Variants in DPP10 observed in about 807,000 individuals in gnomAD.
DPP10 encodes the protein dipeptidyl peptidase like 10.
A neutral mutation model predicts 120.9 loss-of-function variants in DPP10; 33 were observed. The observed-to-expected ratio is 0.27, with a 90% confidence interval of 0.21 to 0.37. The LOEUF (loss-of-function observed/expected upper bound fraction) is 0.37. Among genes scored for constraint, DPP10 ranks in the 10% least tolerant of loss-of-function variants. The pLI is 1.00. For synonymous variants in DPP10, 337 were observed against 326.1 expected (o/e 1.03, Z -0.36); for missense variants, 816 against 942.8 (o/e 0.87, Z 1.76).
intron 1 of DPP10, among the ~76,000 whole-genome samples, chr2:114,731,223 G>T (rs1676881136): frequency 1.3e-5 from 2 of 149,904 alleles, no homozygotes. Flanking sequence ...TCTCACTTGA[G>T]GCTTTTTTTT....
chr2:115,123,828 C>T (rs1385713736), intron 1 of DPP10, among the ~76,000 whole-genome samples: 2 of 152,008 alleles, frequency 1.3e-5, no homozygotes, highest in South Asian at 2.1e-4. Context: ...TGTTAATAGA[C>T]GTTTGCCCCA....
chr2:115,227,112 A>G (rs1364441986), intron 1 of DPP10, among the ~76,000 whole-genome samples: 1 of 152,190 alleles, frequency 6.6e-6, no homozygotes, highest in Non-Finnish European at 1.5e-5. Context: ...TCAACCTAAC[A>G]TCAAGATATT....
At chr2:115,254,694 G>C (rs1289561087) in intron 1 of DPP10, among the ~76,000 whole-genome samples, 1 of 152,152 alleles carries the variant, frequency 6.6e-6, no homozygotes, top group Non-Finnish European at 1.5e-5. Context: ...ACCCATTCCA[G>C]ATGGGGGAAA....
In DPP10 at chr2:115,410,727, C is replaced by T. The variant is rs188435538; in HGVS notation, c.271+66815C>T. On this transcript the variant is annotated intron_variant, in intron 3 of 25. Coordinates refer to ENST00000410059, the MANE Select transcript of DPP10 (RefSeq NM_020868.6). ...CACATTGGGTGCAGTTTACACTGCT[C>T]AAGTGATGTGTGCACCAAAATCTCC... is the stretch of plus-strand genomic sequence containing the variant. Among the ~76,000 whole-genome samples the T allele has an allele frequency of 5.1e-4, 78 of 152,292 alleles. No homozygotes were observed. In the Middle Eastern group the frequency reaches 0.017, roughly 33 times the overall value.
At chr2:114,474,304 G>A (rs1049057622) in intron 1 of DPP10, among the ~76,000 whole-genome samples, 5 of 152,130 alleles carry the variant, frequency 3.3e-5, no homozygotes, top group East Asian at 1.9e-4. Context: ...TATACTAATG[G>A]TGTAACAACC....
At chr2:115,402,554 T>A (rs2068147076) in intron 3 of DPP10, among the ~76,000 whole-genome samples, 1 of 151,312 alleles carries the variant, frequency 6.6e-6, no homozygotes, top group Non-Finnish European at 1.5e-5. Context: ...AATGGATAAA[T>A]TCCTAGACAC....
chr2:115,678,485 T>C (rs2090433732), intron 5 of DPP10, among the ~76,000 whole-genome samples: 1 of 152,186 alleles, frequency 6.6e-6, no homozygotes, highest in African/African-American at 2.4e-5. Context: ...AAGATAAGAA[T>C]TGAGGTTTGG....
At chr2:115,057,898 T>A (rs1706059748) in intron 1 of DPP10, among the ~76,000 whole-genome samples, 1 of 152,210 alleles carries the variant, frequency 6.6e-6, no homozygotes, top group South Asian at 2.1e-4. Flanking sequence ...AGTTTGAGTT[T>A]GTGTGAGAAG....
At chr2:115,129,921 G>A (rs1325426832) in intron 1 of DPP10, among the ~76,000 whole-genome samples, 1 of 152,130 alleles carries the variant, frequency 6.6e-6, no homozygotes, top group African/African-American at 2.4e-5. Context: ...TTCACTGTGG[G>A]CTGAGGCACG....
chr2:115,322,910 T>G (rs555131478), intron 2 of DPP10, among the ~76,000 whole-genome samples: 3 of 152,262 alleles, frequency 2.0e-5, no homozygotes, highest in Admixed American at 6.5e-5. Context: ...CTGAGCCTTC[T>G]GCAAATCATA....
At chr2:114,449,828 G>T (rs1001769100) in intron 1 of DPP10, among the ~76,000 whole-genome samples, 1 of 152,062 alleles carries the variant, frequency 6.6e-6, no homozygotes, top group Non-Finnish European at 1.5e-5. Flanking sequence ...TAAAAGCTGA[G>T]AATTTTATTT....
At chr2:115,736,880 T>G (rs1248982015) in intron 8 of DPP10, among the ~76,000 whole-genome samples, 1 of 152,162 alleles carries the variant, frequency 6.6e-6, no homozygotes, top group East Asian at 1.9e-4. Context: ...TAAACCTCCC[T>G]GTCACTAGTT....
At chr2:115,478,041 G>A (rs2075201074) in intron 3 of DPP10, among the ~76,000 whole-genome samples, 1 of 152,138 alleles carries the variant, frequency 6.6e-6, no homozygotes, top group South Asian at 2.1e-4. Context: ...TGAACTCGGA[G>A]TGAGAACTCA....
In DPP10 at chr2:115,364,771, A is replaced by C. The variant is rs975907917; in HGVS notation, c.271+20859A>C. ...TTCAGCATCAAACACAGTATCTAGC[A>C]CGTAGTTACGCTGTTGTTTCAGCAA... is the stretch of plus-strand genomic sequence containing the variant. On this transcript the variant is annotated intron_variant, in intron 3 of 25. Transcript: ENST00000410059. Among the ~76,000 whole-genome samples the C allele has an allele frequency of 8.5e-5, 13 of 152,060 alleles. 1 individual carries two copies. Among genetic ancestry groups the C allele is most frequent in the Admixed American group, 8.5e-4 (13 of 15,236 alleles).
intron 3 of DPP10, among the ~76,000 whole-genome samples, chr2:115,344,768 A>G (rs193134896): frequency 5.9e-4 from 90 of 152,266 alleles, no homozygotes; most frequent in Non-Finnish European, 9.3e-4. Context: ...CATACGAATC[A>G]TTATGGTTGG....
chr2:115,222,624 T>C (rs940956156), intron 1 of DPP10, among the ~76,000 whole-genome samples: 6 of 152,120 alleles, frequency 3.9e-5, no homozygotes, highest in African/African-American at 1.2e-4. Flanking sequence ...CAGTCTGGGA[T>C]ATATCCTTAT....
At chr2:115,812,048 C>T (rs1013681041) in intron 19 of DPP10, among the ~76,000 whole-genome samples, 6 of 152,068 alleles carry the variant, frequency 3.9e-5, no homozygotes, top group Admixed American at 3.3e-4. Flanking sequence ...TGCCTTATGC[C>T]ATTAATGCTT....
chr2:115,549,591 CTCTA>C (rs2079747300), intron 5 of DPP10, among the ~76,000 whole-genome samples: 1 of 152,122 alleles, frequency 6.6e-6, no homozygotes, highest in African/African-American at 2.4e-5. Flanking sequence ...TAGTTAGAAT[CTCTA>C]TCTTTATTCA....
chr2:115,425,950 G>C (rs148047395), intron 3 of DPP10, among the ~76,000 whole-genome samples: 2 of 152,114 alleles, frequency 1.3e-5, no homozygotes, highest in East Asian at 1.9e-4. Flanking sequence ...ACTAAATCTC[G>C]TGAGAACTGA....
Sources: gnomAD v4.1 joint callset for allele counts (sites outside exome capture counted in the v4.1 genomes callset) on GRCh38, gnomAD v4.1.1 for gene constraint, MANE v1.5 for transcripts, NCBI Gene and HGNC (gene_info 2026-07-23, HGNC 2026-07-21) for gene names.